CENPF: variants seen among roughly 807,000 people sequenced by gnomAD.
CENPF encodes the protein AH antigen.
Under a neutral mutation model 307.3 loss-of-function variants are expected in CENPF, and 214 were observed. The observed-to-expected ratio is 0.70, with a 90% CI of 0.62 to 0.78. CENPF has a LOEUF of 0.78. Among genes scored for constraint, CENPF ranks in the 30% least tolerant of loss-of-function variants. CENPF has a pLI of 0.00. For synonymous variants in CENPF, 1,259 were observed against 1,270.6 expected, an observed-to-expected ratio of 0.99 and a Z score of 0.19; for missense variants, 3,401 against 3,483.9, an observed-to-expected ratio of 0.98 and a Z score of 0.60.
At chr1:214,663,295 G>A (rs768924330) in intron 19 of CENPF, among the ~76,000 whole-genome samples, 37 of 152,190 alleles carry the variant, frequency 2.4e-4, no homozygotes, top group Non-Finnish European at 3.8e-4. Flanking sequence ...TTCACTGGAT[G>A]TGTACCATGT....
rs924373256 is a variant in CENPF, at chr1:214,608,495, A to G, written c.-42+5174A>G. The G allele has an allele frequency of 5.5e-5, 88 of 1,612,364 alleles. No homozygotes were observed. In the African/African-American group the frequency reaches 1.1e-3, roughly 19 times the overall value. ...AGGTCCACGGCATTGCTGTGCGAGA[A>G]GAGGACCGTGTACCTGGCACCAGTC... On this transcript the variant is annotated intron_variant, in intron 1 of 19. Coordinates refer to ENST00000366955, the MANE Select transcript of CENPF (RefSeq NM_016343.4).
rs1262044893 is a variant in CENPF, at chr1:214,640,700, G to A, written c.2362G>A (p.Asp788Asn). Residue 788 changes from aspartate (D) to asparagine (N), a missense_variant, in exon 12 of 20, where the codon GAT becomes AAT. Coordinates refer to ENST00000366955, the MANE Select transcript of CENPF (RefSeq NM_016343.4). The part of the protein sequence containing the change: ...EDHQRSLLAF[D>N]QQPAMHHSFA... The stretch of plus-strand genomic sequence containing the variant: ...TCATCAGAGAAGTCTTTTGGCTTTT[G>A]ATCAGCAGCCTGCCATGCATCATTC... The A allele has an allele frequency of 6.2e-7, 1 of 1,613,888 alleles. No individual in the cohort carries two copies. The highest frequency in any genetic ancestry group is 1.7e-5 in the Admixed American group (1 of 59,968).
intron 19 of CENPF, 144 bp from the exon 20 acceptor site, chr1:214,663,447 C>A: frequency 1.2e-6 from 1 of 839,320 alleles, no homozygotes; most frequent in Non-Finnish European, 1.8e-6. Context: ...GGGGCCTGTT[C>A]TCAAGGAAGA....
intron 1 of CENPF, among the ~76,000 whole-genome samples, chr1:214,609,203 C>T (rs1050509671): frequency 1.2e-4 from 19 of 152,194 alleles, no homozygotes; most frequent in African/African-American, 3.6e-4. Context: ...CAGCTCCCCC[C>T]GAAGAATCCG....
At chr1:214,635,874 C>T (rs1195083063) in intron 10 of CENPF, among the ~76,000 whole-genome samples, 3 of 152,052 alleles carry the variant, frequency 2.0e-5, no homozygotes, top group Admixed American at 6.6e-5. Context: ...TCCCTGGTGC[C>T]CTCTCTCTCT....
intron 13 of CENPF, among the ~76,000 whole-genome samples, chr1:214,647,764 G>T (rs1658353083): frequency 6.6e-6 from 1 of 152,194 alleles, no homozygotes; most frequent in Admixed American, 6.5e-5. Context: ...CACTGCTATA[G>T]AGAGTATAAC....
rs1200398723 is a variant in CENPF at position 214,640,919 on chromosome 1, G to A, written c.2581G>A (p.Gly861Arg). 1 of 1,607,962 alleles carries A rather than the reference G, an allele frequency of 6.2e-7. No homozygotes were observed. The highest frequency in any genetic ancestry group is 2.2e-5 in the East Asian group (1 of 44,836). ...GTGTGAAGAGTTGGTGCAAATCAAA[G>A]GAGAAATAGAAGAAAATCTCATGAA... ...KQCEELVQIK[G>R]EIEENLMKAE... is the part of the protein sequence containing the mutation. The change falls in exon 12 of 20, where the codon GGA becomes AGA. Residue 861 changes from glycine (G) to arginine (R), a missense_variant. Transcript: ENST00000366955.
chr1:214,663,799 A>G lies in CENPF; in HGVS notation c.*5A>G, dbSNP rs1244689234. 1.2e-6 allele frequency: 2 copies of G among 1,612,176 alleles called. No individual in the cohort carries two copies. Among genetic ancestry groups the G allele is most frequent in the Non-Finnish European group, 1.7e-6 (2 of 1,178,702 alleles). On this transcript the variant is annotated 3_prime_UTR_variant, in exon 20 of 20. Transcript: ENST00000366955. Reference sequence around the variant, plus strand: ...GAGAACTGTAAGGTCCAGTGAAGGCACTTTGTGTGTCAGTACCCCTGGGAG... The same window carrying G: ...GAGAACTGTAAGGTCCAGTGAAGGCGCTTTGTGTGTCAGTACCCCTGGGAG...
Position 214,642,890 on chromosome 1 carries a change from G to T in CENPF, c.4552G>T (p.Ala1518Ser). The T allele has an allele frequency of 6.2e-7, 1 of 1,614,096 alleles. No homozygotes were observed. Among genetic ancestry groups the T allele is most frequent in the Non-Finnish European group, 8.5e-7 (1 of 1,180,022 alleles). The change falls in exon 12 of 20, where the codon GCA becomes TCA. Residue 1518 changes from alanine to serine, a missense_variant. Coordinates refer to ENST00000366955, the MANE Select transcript of CENPF (RefSeq NM_016343.4). ...LLSNLEGAVS[A>S]NQCSVDEVFC... is the part of the protein sequence containing the mutation. ...GAGTAATTTAGAAGGGGCTGTTTCAGCAAACCAGTGCAGTGTAGATGAAGT... is the reference window on the plus strand; with the variant it reads ...GAGTAATTTAGAAGGGGCTGTTTCATCAAACCAGTGCAGTGTAGATGAAGT...
At chr1:214,637,291 G>A (rs1405001034) in intron 10 of CENPF, among the ~76,000 whole-genome samples, 1 of 152,204 alleles carries the variant, frequency 6.6e-6, no homozygotes, top group Non-Finnish European at 1.5e-5. Context: ...TGCCCCAAGG[G>A]CAGAGACTCT....
intron 1 of CENPF, among the ~76,000 whole-genome samples, chr1:214,609,197 TC>T (rs1011151894): frequency 6.6e-6 from 1 of 151,860 alleles, no homozygotes; most frequent in Non-Finnish European, 1.5e-5. Flanking sequence ...CCGCCGCAGC[TC>T]CCCCCGAAGA....
At chr1:214,638,139 T>A in intron 11 of CENPF, 138 bp downstream of exon 11, 1 of 894,556 alleles carries the variant, frequency 1.1e-6, no homozygotes, top group Non-Finnish European at 1.6e-6. Context: ...GCAGTTGATG[T>A]GGAAGAGTTT....
rs771934308 is a variant in CENPF, at chr1:214,618,699, T to C, written c.481+5T>C. 5 of 1,611,372 alleles carry C rather than the reference T, an allele frequency of 3.1e-6. No homozygotes were observed. The South Asian group carries it at 4.4e-5, about 14-fold the overall frequency. ...CACCAAGTCAATATTATAGTGGTAA[T>C]GCATTTTCTTCCTTGGTATAGACAG... is the stretch of plus-strand genomic sequence containing the variant. On this transcript the variant is annotated splice_donor_5th_base_variant and intron_variant, in intron 4 of 19. Coordinates refer to ENST00000366955, the MANE Select transcript of CENPF (RefSeq NM_016343.4).
At chr1:214,621,056 C>T (rs917897426) in intron 6 of CENPF, 110 bp downstream of exon 6, 27 of 935,388 alleles carry the variant, frequency 2.9e-5, no homozygotes, top group South Asian at 9.9e-5. Flanking sequence ...TTAGGCACAT[C>T]GGTGTTCAAC....
In CENPF at chr1:214,605,103, TTC is replaced by T. The variant is rs369633440; in HGVS notation, c.-42+1784_-42+1785del. On this transcript the variant is annotated intron_variant, in intron 1 of 19. Transcript: ENST00000366955. ...TAAGTAACTGGAAAATGAATGATTT[TTC>T]TTTTTGTTTATGTTCTGAAGGCTAA... Among the ~76,000 whole-genome samples the T allele has an allele frequency of 3.6e-3, 541 of 152,328 alleles. 3 individuals carry two copies. Among genetic ancestry groups the T allele is most frequent in the African/African-American group, 0.012 (519 of 41,558 alleles).
chr1:214,609,695 C>G (rs1657149336), intron 1 of CENPF, among the ~76,000 whole-genome samples: 2 of 152,144 alleles, frequency 1.3e-5, no homozygotes, highest in Admixed American at 1.3e-4. Flanking sequence ...AGGTACTAAG[C>G]CTAATACTCA....
At position 214,640,172 on chromosome 1, in the gene CENPF, T is replaced by C. The variant is rs764031777; in HGVS notation, c.1834T>C (p.Leu612=). The C allele has an allele frequency of 1.9e-6, 3 of 1,590,524 alleles. No individual in the cohort carries two copies. Among genetic ancestry groups the C allele is most frequent in the South Asian group, 1.2e-5 (1 of 85,762 alleles). Residue 612 remains leucine, a synonymous_variant, in exon 12 of 20, where the codon TTG becomes CTG. Coordinates refer to ENST00000366955, the MANE Select transcript of CENPF (RefSeq NM_016343.4). ...GTTAAAAAAGAAAGAATATGAAGAATTGAAAGAAGAGAAAACTCTGTTTTC... is the reference window on the plus strand; with the variant it reads ...GTTAAAAAAGAAAGAATATGAAGAACTGAAAGAAGAGAAAACTCTGTTTTC... ...LELKKKEYEE[L]KEEKTLFSCW...
rs1295204994 is a variant in CENPF, at chr1:214,646,943, A to C, written c.7373A>C (p.His2458Pro). 2 of 1,613,980 alleles carry C rather than the reference A, an allele frequency of 1.2e-6. No homozygotes were observed. The highest frequency in any genetic ancestry group is 2.7e-5 in the African/African-American group (2 of 74,926). The change falls in exon 13 of 20, where the codon CAT becomes CCT. Residue 2458 changes from histidine (H) to proline (P), a missense_variant. Coordinates refer to ENST00000366955, the MANE Select transcript of CENPF (RefSeq NM_016343.4). The part of the protein sequence containing the change: ...KELNERVAAL[H>P]NDQEACKAKE... ...CTCAATGAGAGAGTGGCAGCCCTGC[A>C]TAATGACCAAGAAGCCTGTAAGGCC...
chr1:214,662,625 A>C (rs1658816601), intron 19 of CENPF, among the ~76,000 whole-genome samples: 1 of 152,262 alleles, frequency 6.6e-6, no homozygotes, highest in East Asian at 1.9e-4. Context: ...CCTTGTGTCC[A>C]TTATGCAAGA....
Sources: gnomAD v4.1 joint callset for allele counts (sites outside exome capture counted in the v4.1 genomes callset) on GRCh38, gnomAD v4.1.1 for gene constraint, MANE v1.5 for transcripts, NCBI Gene and HGNC (gene_info 2026-07-23, HGNC 2026-07-21) for gene names.